Variants in LTBR observed in about 807,000 individuals in gnomAD.
The protein encoded by LTBR is tumor necrosis factor receptor superfamily member 3.
Under a neutral mutation model 45.4 loss-of-function variants are expected in LTBR, and 15 were observed. That is an observed-to-expected ratio of 0.33 (90% CI 0.22 to 0.51). The LOEUF is 0.51. Among genes scored for constraint, LTBR ranks in the 20% least tolerant of loss-of-function variants. LTBR has a pLI of 0.97. For missense variants in LTBR, 450 were observed against 565.5 expected, an observed-to-expected ratio of 0.80 and a Z score of 2.07; for synonymous variants, 228 against 231.0, an observed-to-expected ratio of 0.99 and a Z score of 0.12.
Position 6,388,604 on chromosome 12 carries a change from A to G in LTBR, c.775+99A>G. 1 of 1,145,478 alleles carries G rather than the reference A, an allele frequency of 8.7e-7. No homozygotes were observed. Among genetic ancestry groups the G allele is most frequent in the South Asian group, 1.3e-5 (1 of 78,724 alleles). The allele number at this position is 1,145,478 out of a possible 1,614,324, so 71.0% of individuals were successfully genotyped here. The stretch of plus-strand genomic sequence containing the variant: ...AACCCTCCACACCCTCAAGACTCCC[A>G]ATGCCTACCCCCAACATAGACATCC... On this transcript the variant is annotated intron_variant, in intron 7 of 9. Transcript: ENST00000228918. This position sits in a 1 kb window ranked among gnomAD's most constrained non-coding sequence, Gnocchi z 4.3.
chr12:6,386,469 C>CGGG lies in LTBR; in HGVS notation c.667+31_667+33dup, dbSNP rs1555117351. 7.3e-3 allele frequency: 10,717 copies of CGGG among 1,477,312 alleles called. 53 individuals carry two copies. The highest frequency in any genetic ancestry group is 0.013 in the Admixed American group (746 of 57,750). The allele number at this position is 1,477,312 out of a possible 1,614,324, so 91.5% of individuals were successfully genotyped here. On this transcript the variant is annotated intron_variant, in intron 6 of 9. Transcript: ENST00000228918. The surrounding 1 kb of genome is among the most constrained non-coding windows in gnomAD (Gnocchi z 4.1). ...GGTGAGGGACCAGGGCTGAGGGACA[C>CGGG]GGGGGGGGCGCCTCTGAAAATGCCT...
upstream of LTBR, among the ~76,000 whole-genome samples, chr12:6,383,483 A>C (rs11064157): frequency 0.79 from 120,203 of 152,072 alleles, 47,997 homozygotes; most frequent in African/African-American, 0.9. Context: ...GAGCAGAGGG[A>C]CTGAGTGCCC....
rs1949027677 is a variant in LTBR at position 6,385,348 on chromosome 12, C to T, written c.441C>T (p.Asp147=). The T allele has an allele frequency of 2.5e-6, 4 of 1,614,074 alleles. No homozygotes were observed. Among genetic ancestry groups the T allele is most frequent in the Non-Finnish European group, 3.4e-6 (4 of 1,180,046 alleles). The part of the protein sequence containing the change: ...LECTHCELLS[D]CPPGTEAELK... The stretch of plus-strand genomic sequence containing the variant: ...GTACACACTGCGAGCTACTTTCTGA[C>T]TGCCCGCCTGGCACTGAAGCCGAGC... Residue 147 remains aspartate (D), a synonymous_variant, in exon 4 of 10, where the codon GAC becomes GAT. Coordinates refer to ENST00000228918, the MANE Select transcript of LTBR (RefSeq NM_002342.3).
chr12:6,385,178 G>A (rs370495075), intron 3 of LTBR, 31 bp downstream of exon 3: 26 of 1,614,062 alleles, frequency 1.6e-5, no homozygotes, highest in Non-Finnish European at 1.9e-5. Flanking sequence ...GGGGGGGCTG[G>A]ATCCCCTGGA....
At chr12:6,385,878 C>T (rs1464937310) in intron 4 of LTBR, 188 bp from the exon 5 acceptor site, 2 of 469,878 alleles carry the variant, frequency 4.3e-6, no homozygotes, top group Non-Finnish European at 7.3e-6. Flanking sequence ...GCACTCCAGC[C>T]TGGGCGACAG....
chr12:6,384,427 G>A lies in LTBR; in HGVS notation c.69G>A (p.Gly23=), dbSNP rs764542061. Residue 23 remains glycine, a synonymous_variant, in exon 1 of 10, where the codon GGG becomes GGA. Coordinates refer to ENST00000228918, the MANE Select transcript of LTBR (RefSeq NM_002342.3). ...AWGPLVLGLF[G]LLAASQPQAV... The stretch of plus-strand genomic sequence containing the variant: ...GGCCTCTGGTGCTGGGCCTCTTCGG[G>A]CTCCTGGCAGCATCGCAGCCCCAGG... 1.3e-6 allele frequency: 2 copies of A among 1,547,432 alleles called. No individual in the cohort carries two copies. Among genetic ancestry groups the A allele is most frequent in the East Asian group, 4.8e-5 (2 of 41,372 alleles).
intron 4 of LTBR, chr12:6,385,849 G>A (rs1384084184): frequency 4.6e-6 from 2 of 438,614 alleles, no homozygotes; most frequent in East Asian, 8.5e-5. Flanking sequence ...AGCTTGCAGT[G>A]AGCCGAGATC....
In LTBR at chr12:6,391,027, A is replaced by C. The variant is rs1592103410; in HGVS notation, c.*90A>C. The C allele has an allele frequency of 7.5e-7, 1 of 1,341,432 alleles. No individual in the cohort carries two copies. Among genetic ancestry groups the C allele is most frequent in the East Asian group, 2.6e-5 (1 of 38,942 alleles). 83.1% of individuals were successfully genotyped at this position (1,341,432 alleles called of 1,614,324 possible). On this transcript the variant is annotated 3_prime_UTR_variant, in exon 10 of 10. Coordinates refer to ENST00000228918, the MANE Select transcript of LTBR (RefSeq NM_002342.3). ...CCCACGTGGGATTCACAGGGGCCTG[A>C]GTAGGGCCCGGGGAAGCAGAGCCCT...
chr12:6,377,237 G>C, intron 1 of LTBR: 1 of 1,545,948 alleles, frequency 6.5e-7, no homozygotes, highest in Non-Finnish European at 8.7e-7. Context: ...TTCCAAACCA[G>C]GTTCCCTTGC....
At chr12:6,384,816 C>T in intron 2 of LTBR, 132 bp downstream of exon 2, 1 of 1,034,734 alleles carries the variant, frequency 9.7e-7, no homozygotes, top group Non-Finnish European at 1.5e-6. Context: ...GCGTGGGAAA[C>T]CCTGGACATC....
chr12:6,389,135 G>A (rs887303005), intron 8 of LTBR: 19 of 316,606 alleles, frequency 6.0e-5, no homozygotes, highest in Non-Finnish European at 6.7e-5. Flanking sequence ...AAAGGATGGG[G>A]GTATTTTAGA....
intron 1 of LTBR, among the ~76,000 whole-genome samples, chr12:6,378,611 C>T (rs1948944083): frequency 6.6e-6 from 1 of 152,158 alleles, no homozygotes; most frequent in Non-Finnish European, 1.5e-5. Flanking sequence ...TAGCCCCCTG[C>T]TTCATGCATG....
upstream of LTBR, among the ~76,000 whole-genome samples, chr12:6,379,837 G>A (rs575660974): frequency 2.3e-4 from 35 of 151,696 alleles, no homozygotes; most frequent in African/African-American, 7.7e-4. Context: ...GGAGGCTGAG[G>A]CAGGAGAATG....
upstream of LTBR, chr12:6,375,303 G>A (rs915150126): frequency 5.6e-6 from 8 of 1,433,462 alleles, no homozygotes; most frequent in African/African-American, 1.2e-4. Context: ...TCCCCCCCTT[G>A]CCTTGCCCCC....
chr12:6,391,113 C>T lies in LTBR; in HGVS notation c.*176C>T. ...GGGCACTGGCTGGGTACGGTGCCCT[C>T]CACAGGACTCTCCCTACTGCCTGAG... On this transcript the variant is annotated 3_prime_UTR_variant, in exon 10 of 10. Coordinates refer to ENST00000228918, the MANE Select transcript of LTBR (RefSeq NM_002342.3). 1 of 582,602 alleles carries T rather than the reference C, an allele frequency of 1.7e-6. No individual in the cohort carries two copies. Among genetic ancestry groups the T allele is most frequent in the East Asian group, 3.4e-5 (1 of 29,798 alleles). 36.1% of individuals were successfully genotyped at this position (582,602 alleles called of 1,614,324 possible).
chr12:6,388,591 C>G lies in LTBR; in HGVS notation c.775+86C>G. ...ACTTCCCCGGTGCAACCCTCCACAC[C>G]CTCAAGACTCCCAATGCCTACCCCC... On this transcript the variant is annotated intron_variant, in intron 7 of 9. Transcript: ENST00000228918. The surrounding 1 kb of genome is among the most constrained non-coding windows in gnomAD (Gnocchi z 4.3). The G allele has an allele frequency of 2.5e-6, 3 of 1,211,222 alleles. No individual in the cohort carries two copies. Among genetic ancestry groups the G allele is most frequent in the Non-Finnish European group, 3.7e-6 (3 of 821,160 alleles). 75.0% of individuals were successfully genotyped at this position (1,211,222 alleles called of 1,614,324 possible). A position where few individuals can be genotyped will look rare whatever the true frequency, so the allele number is the denominator to read the frequency against.
chr12:6,376,267 T>C lies in LTBR; in HGVS notation c.39+673T>C, dbSNP rs11831941. On this transcript the variant is annotated intron_variant, in intron 1 of 9. Coordinates refer to the LTBR transcript ENST00000539925. Reference sequence around the variant, plus strand: ...GATTCCTCGCCACCCCCTCCAACCTTGTCCAGACCCGGGAGGGGCCCAGGT... The same window carrying C: ...GATTCCTCGCCACCCCCTCCAACCTCGTCCAGACCCGGGAGGGGCCCAGGT... The C allele has an allele frequency of 1.9e-3, 1,649 of 853,208 alleles. 14 individuals are homozygous for C. In the African/African-American group the frequency reaches 0.028, roughly 14 times the overall value. 52.9% of individuals were successfully genotyped at this position (853,208 alleles called of 1,614,324 possible).
At position 6,386,468 on chromosome 12, in the gene LTBR, A is replaced by ACG. The variant is rs1565494529; in HGVS notation, c.667+25_667+26dup. 1 of 1,162,752 alleles carries ACG rather than the reference A, an allele frequency of 8.6e-7. No individual in the cohort carries two copies. Among genetic ancestry groups the ACG allele is most frequent in the Non-Finnish European group, 1.2e-6 (1 of 847,646 alleles). 72.0% of individuals were successfully genotyped at this position (1,162,752 alleles called of 1,614,324 possible). A position where few individuals can be genotyped will look rare whatever the true frequency, so the allele number is the denominator to read the frequency against. On this transcript the variant is annotated intron_variant, in intron 6 of 9. Transcript: ENST00000228918. This position sits in a 1 kb window ranked among gnomAD's most constrained non-coding sequence, Gnocchi z 4.1. ...AGGTGAGGGACCAGGGCTGAGGGAC[A>ACG]CGGGGGGGGCGCCTCTGAAAATGCC...
Position 6,388,904 on chromosome 12 carries a change from A to C in LTBR, c.801+79A>C. 1.3e-6 allele frequency: 2 copies of C among 1,531,434 alleles called. No homozygotes were observed. The highest frequency in any genetic ancestry group is 1.8e-6 in the Non-Finnish European group (2 of 1,106,792). 94.9% of individuals were successfully genotyped at this position (1,531,434 alleles called of 1,614,324 possible). A position where few individuals can be genotyped will look rare whatever the true frequency, so the allele number is the denominator to read the frequency against. ...AAGGTGGAGCAGACAGGAAGAGAGT[A>C]TGCAGGCTGACTCCACACTCATTCA... On this transcript the variant is annotated intron_variant, in intron 8 of 9. Transcript: ENST00000228918. This position sits in a 1 kb window ranked among gnomAD's most constrained non-coding sequence, Gnocchi z 4.3.
Sources: allele counts gnomAD v4.1 joint callset (sites outside exome capture counted in the v4.1 genomes callset), GRCh38; gene constraint gnomAD v4.1.1; non-coding constraint Gnocchi (gnomAD v3.1); transcripts MANE v1.5; gene names NCBI Gene and HGNC (gene_info 2026-07-23, HGNC 2026-07-21).